JPH1: variants seen among roughly 807,000 people sequenced by gnomAD.
The protein encoded by JPH1 is junctophilin 1.
A neutral mutation model predicts 53.6 loss-of-function variants in JPH1; 12 were observed. The observed-to-expected ratio is 0.22, with a 90% CI of 0.14 to 0.36. The LOEUF is 0.36. Among genes scored for constraint, JPH1 ranks in the 10% least tolerant of loss-of-function variants. The pLI, the probability that JPH1 is intolerant of heterozygous loss-of-function variation, is 1.00. For synonymous variants in JPH1, 375 were observed against 363.8 expected (o/e 1.03, Z -0.35); for missense variants, 808 against 905.5 (o/e 0.89, Z 1.38).
At chr8:74,242,644 C>A (rs557334659) in intron 4 of JPH1, among the ~76,000 whole-genome samples, 1 of 152,190 alleles carries the variant, frequency 6.6e-6, no homozygotes, top group Non-Finnish European at 1.5e-5. Flanking sequence ...GGGACGGCAG[C>A]GTTCTGTTAC....
At chr8:74,259,908 AG>A (rs200326202) in intron 2 of JPH1, among the ~76,000 whole-genome samples, 22 of 152,378 alleles carry the variant, frequency 1.4e-4, no homozygotes, top group African/African-American at 5.0e-4. Flanking sequence ...AATCAATGTA[AG>A]AATTTGACTA....
chr8:74,304,540 C>T (rs1403367334), intron 2 of JPH1, among the ~76,000 whole-genome samples: 1 of 152,166 alleles, frequency 6.6e-6, no homozygotes, highest in African/African-American at 2.4e-5. Flanking sequence ...TGGGTTATCT[C>T]AACATGTCAA....
Position 74,315,694 on chromosome 8 carries a change from C to G in JPH1, c.380-74G>C. On this transcript the variant is annotated intron_variant, in intron 1 of 5. Coordinates refer to ENST00000342232, the MANE Select transcript of JPH1 (RefSeq NM_020647.4). The surrounding 1 kb of genome is among the most constrained non-coding windows in gnomAD (Gnocchi z 6.3). ...CGTCACCTGCACCATCCAGCGCACACTGGCGCAGGCCTGCCCAAGGTCAAA... is the reference window on the plus strand; with the variant it reads ...CGTCACCTGCACCATCCAGCGCACAGTGGCGCAGGCCTGCCCAAGGTCAAA... 7.1e-7 allele frequency: 1 copy of G among 1,414,528 alleles called. No individual in the cohort carries two copies. 87.6% of individuals were successfully genotyped at this position (1,414,528 alleles called of 1,614,324 possible). A position where few individuals can be genotyped will look rare whatever the true frequency, so the allele number is the denominator to read the frequency against.
chr8:74,255,538 G>C (rs2131388942), intron 3 of JPH1, among the ~76,000 whole-genome samples: 1 of 152,184 alleles, frequency 6.6e-6, no homozygotes, highest in Middle Eastern at 3.4e-3. Flanking sequence ...AGCCAAAATT[G>C]ACAAATGGGA....
Position 74,320,785 on chromosome 8 carries a change from C to T in JPH1, c.379+124G>A. ...GGCGCGGGCGCGGGGGTGGGAGGCGCCCCCAGGTGTTTTGGCGGGTTTCCG... is the reference window on the plus strand; with the variant it reads ...GGCGCGGGCGCGGGGGTGGGAGGCGTCCCCAGGTGTTTTGGCGGGTTTCCG... On this transcript the variant is annotated intron_variant, in intron 1 of 5. Coordinates refer to ENST00000342232, the MANE Select transcript of JPH1 (RefSeq NM_020647.4). The surrounding 1 kb of genome is among the most constrained non-coding windows in gnomAD (Gnocchi z 4.4). The T allele has an allele frequency of 8.4e-7, 1 of 1,195,422 alleles. No individual in the cohort carries two copies. Among genetic ancestry groups the T allele is most frequent in the Non-Finnish European group, 1.1e-6 (1 of 909,186 alleles). 74.1% of individuals were successfully genotyped at this position (1,195,422 alleles called of 1,614,324 possible).
intron 2 of JPH1, among the ~76,000 whole-genome samples, chr8:74,297,442 A>G (rs955701004): frequency 6.6e-6 from 1 of 152,066 alleles, no homozygotes; most frequent in Admixed American, 6.5e-5. Flanking sequence ...CACAAAACAG[A>G]CCCTCAGCTC....
At chr8:74,275,512 A>C (rs1015434814) in intron 2 of JPH1, among the ~76,000 whole-genome samples, 1 of 152,212 alleles carries the variant, frequency 6.6e-6, no homozygotes, top group African/African-American at 2.4e-5. Flanking sequence ...TCTTTTAAGT[A>C]AGAAAATTAC....
At chr8:74,293,955 G>T (rs891092724) in intron 2 of JPH1, among the ~76,000 whole-genome samples, 1 of 152,152 alleles carries the variant, frequency 6.6e-6, no homozygotes, top group Non-Finnish European at 1.5e-5. Context: ...TGGGCATGGG[G>T]TGTCTCTTTT....
At chr8:74,241,112 T>C (rs762209006) in intron 4 of JPH1, among the ~76,000 whole-genome samples, 2 of 152,116 alleles carry the variant, frequency 1.3e-5, no homozygotes, top group Non-Finnish European at 2.9e-5. Flanking sequence ...TGTTCTAATA[T>C]ACACACACAT....
intron 3 of JPH1, among the ~76,000 whole-genome samples, chr8:74,252,904 G>C (rs1310494650): frequency 6.6e-6 from 1 of 152,040 alleles, no homozygotes; most frequent in Non-Finnish European, 1.5e-5. Context: ...AGTCCTTAGT[G>C]ACCTAGAAAG....
chr8:74,308,305 A>G (rs1807896473), intron 2 of JPH1, among the ~76,000 whole-genome samples: 1 of 152,208 alleles, frequency 6.6e-6, no homozygotes, highest in Non-Finnish European at 1.5e-5. Context: ...GCTCAACCTG[A>G]TGCTCTTGTT....
intron 2 of JPH1, among the ~76,000 whole-genome samples, chr8:74,290,307 T>C (rs914436560): frequency 6.6e-6 from 1 of 152,138 alleles, no homozygotes; most frequent in Non-Finnish European, 1.5e-5. Context: ...AAAAAATCAA[T>C]GGCAAAAATC....
intron 2 of JPH1, among the ~76,000 whole-genome samples, chr8:74,300,629 T>C (rs547543129): frequency 8.5e-5 from 13 of 152,340 alleles, no homozygotes; most frequent in African/African-American, 2.9e-4. Context: ...TTTTCCCTTT[T>C]ATACCATCTT....
intron 2 of JPH1, among the ~76,000 whole-genome samples, chr8:74,270,483 G>C (rs773758665): frequency 1.3e-5 from 2 of 152,166 alleles, no homozygotes; most frequent in African/African-American, 4.8e-5. Context: ...TGAGGACACT[G>C]AGAAAATGGA....
rs552085487 is a variant in JPH1, at chr8:74,300,538, G to A, written c.1139+14323C>T. ...GGTAAGTGAGTTGTGTGCGTGGAAT[G>A]TTTACTGCTACTTCAAAATGGTTTT... On this transcript the variant is annotated intron_variant, in intron 2 of 5. Transcript: ENST00000342232. Among the ~76,000 whole-genome samples the A allele has an allele frequency of 2.6e-5, 4 of 152,282 alleles. No homozygotes were observed. In the South Asian group the frequency reaches 8.3e-4, roughly 32 times the overall value.
At chr8:74,297,593 T>C (rs1807557465) in intron 2 of JPH1, among the ~76,000 whole-genome samples, 1 of 152,168 alleles carries the variant, frequency 6.6e-6, no homozygotes. Flanking sequence ...ACCACTGCAT[T>C]TGGGGCCTGA....
chr8:74,308,990 G>A (rs6989155), intron 2 of JPH1, among the ~76,000 whole-genome samples: 9,504 of 152,234 alleles, frequency 0.062, 1,009 homozygotes, highest in African/African-American at 0.22. Flanking sequence ...AGTATGTATC[G>A]TTTTTATATT....
At chr8:74,301,623 C>G (rs1807684791) in intron 2 of JPH1, among the ~76,000 whole-genome samples, 1 of 152,148 alleles carries the variant, frequency 6.6e-6, no homozygotes, top group Non-Finnish European at 1.5e-5. Flanking sequence ...GGATCTTCCT[C>G]CAATATGCAA....
Position 74,249,425 on chromosome 8 carries a change from A to G in JPH1, c.1259-4250T>C, listed in dbSNP as rs564539677. ...TATAGAAAGAACACTCCTTTCCTAT[A>G]GGACTTCACAGTCCCGTCTATAACA... On this transcript the variant is annotated intron_variant, in intron 3 of 5. Coordinates refer to ENST00000342232, the MANE Select transcript of JPH1 (RefSeq NM_020647.4). Among the ~76,000 whole-genome samples, 45 of 152,350 alleles carry G rather than the reference A, an allele frequency of 3.0e-4. 1 individual carries two copies. The highest frequency in any genetic ancestry group is 9.9e-4 in the African/African-American group (41 of 41,586).
Sources: gnomAD v4.1 joint callset for allele counts (sites outside exome capture counted in the v4.1 genomes callset) on GRCh38, gnomAD v4.1.1 for gene constraint, Gnocchi (gnomAD v3.1) non-coding constraint, MANE v1.5 for transcripts, NCBI Gene and HGNC (gene_info 2026-07-23, HGNC 2026-07-21) for gene names.